Variants in SMARCA2 observed in about 807,000 individuals in gnomAD.
SMARCA2 encodes the protein SWI/SNF related BAF chromatin remodeling complex subunit ATPase 2.
SMARCA2 carries 61 observed loss-of-function variants against 199.8 expected under a neutral mutation model. That is an observed-to-expected ratio of 0.31 (90% CI 0.25 to 0.38). The LOEUF (loss-of-function observed/expected upper bound fraction) is 0.38, where lower values mean the gene tolerates loss of function less well. Ranked by LOEUF, SMARCA2 falls within the 10% of genes least tolerant of loss-of-function variation. The pLI, the probability that SMARCA2 is intolerant of heterozygous loss-of-function variation, is 1.00. For missense variants in SMARCA2, 1,344 were observed against 2,012.2 expected (o/e 0.67, Z 6.35); for synonymous variants, 935 against 732.0 (o/e 1.28, Z -4.48).
At chr9:2,173,839 C>T (rs2057543) in intron 29 of SMARCA2, among the ~76,000 whole-genome samples, 103,325 of 152,054 alleles carry the variant, frequency 0.68, 35,582 homozygotes, top group African/African-American at 0.79. Context: ...CTGTTACTAA[C>T]CCATTAAGCT....
At chr9:2,186,310 C>A in intron 32 of SMARCA2, 82 bp downstream of exon 32, 1 of 1,413,726 alleles carries the variant, frequency 7.1e-7, no homozygotes, top group Non-Finnish European at 9.5e-7. Context: ...ACAGAAGAGA[C>A]TTTAGAGTGG....
chr9:2,032,700 C>A, intron 2 of SMARCA2: 1 of 322,814 alleles, frequency 3.1e-6, no homozygotes. Flanking sequence ...TTTTCATTGC[C>A]TGTTCTGATA....
Position 2,060,977 on chromosome 9 carries a change from G to T in SMARCA2, c.1683G>T (p.Arg561Ser). The T allele has an allele frequency of 6.2e-7, 1 of 1,613,588 alleles. No homozygotes were observed. The highest frequency in any genetic ancestry group is 8.5e-7 in the Non-Finnish European group (1 of 1,179,718). The change falls in exon 9 of 34, where the codon AGG becomes AGT. Residue 561 changes from arginine (R) to serine (S), a missense_variant. Coordinates refer to ENST00000349721, the MANE Select transcript of SMARCA2 (RefSeq NM_003070.5). Reference sequence around the variant, plus strand: ...CCAAAGAGAAGAAGAAGAGGAGGAGGAGGAAGAAGGTGCGTATCCTAGTGG... The same window carrying T: ...CCAAAGAGAAGAAGAAGAGGAGGAGTAGGAAGAAGGTGCGTATCCTAGTGG... ...QAAKEKKKRR[R>S]RKKKAEENAE...
intron 17 of SMARCA2, among the ~76,000 whole-genome samples, chr9:2,085,346 T>G (rs1037745615): frequency 7.9e-5 from 12 of 152,196 alleles, no homozygotes; most frequent in African/African-American, 2.4e-4. Context: ...CGCCTGGTAA[T>G]GAGATGCACT....
chr9:2,060,217 A>T (rs944012815), intron 8 of SMARCA2, among the ~76,000 whole-genome samples: 1 of 151,948 alleles, frequency 6.6e-6, no homozygotes, highest in Non-Finnish European at 1.5e-5. Flanking sequence ...ACTTTTTAAA[A>T]TATAAGACAT....
chr9:2,181,793 G>A, intron 30 of SMARCA2, 117 bp downstream of exon 30: 1 of 650,154 alleles, frequency 1.5e-6, no homozygotes, highest in Non-Finnish European at 2.8e-6. Context: ...GCTCGCGACA[G>A]GAAAGGTTGG....
chr9:2,127,373 G>A (rs1823741394), intron 27 of SMARCA2, among the ~76,000 whole-genome samples: 1 of 152,262 alleles, frequency 6.6e-6, no homozygotes, highest in Middle Eastern at 3.4e-3. Flanking sequence ...GTTCACTGCT[G>A]CCACAGATGG....
intron 19 of SMARCA2, among the ~76,000 whole-genome samples, chr9:2,096,108 C>G (rs1416224573): frequency 1.3e-5 from 2 of 152,168 alleles, no homozygotes; most frequent in Non-Finnish European, 2.9e-5. Flanking sequence ...CCTGTTCTCA[C>G]TATGTTGTAT....
intron 23 of SMARCA2, among the ~76,000 whole-genome samples, chr9:2,108,773 C>A (rs1454659879): frequency 6.6e-6 from 1 of 152,140 alleles, no homozygotes; most frequent in Non-Finnish European, 1.5e-5. Flanking sequence ...AAAGCCAATT[C>A]TGAAAATAAA....
At chr9:2,046,123 A>G (rs2130285005) in intron 4 of SMARCA2, 1 of 152,328 alleles carries the variant, frequency 6.6e-6, no homozygotes, top group Non-Finnish European at 1.5e-5. Context: ...GGATTTAGAA[A>G]AAATTGGAAA....
At chr9:2,183,808 C>T (rs561395536) in intron 31 of SMARCA2, among the ~76,000 whole-genome samples, 1 of 152,264 alleles carries the variant, frequency 6.6e-6, no homozygotes, top group African/African-American at 2.4e-5. Flanking sequence ...GTAGAAGAAT[C>T]AACAAAGAAG....
At chr9:2,072,167 T>C (rs998170530) in intron 10 of SMARCA2, 1 of 152,200 alleles carries the variant, frequency 6.6e-6, no homozygotes, top group Non-Finnish European at 1.5e-5. Context: ...TTCTGCTTAA[T>C]TCCAATTGAA....
rs532975945 is a variant in SMARCA2, at chr9:2,056,042, C to T, written c.1174-630C>T. Among the ~76,000 whole-genome samples, 1 of 152,172 alleles carries T rather than the reference C, an allele frequency of 6.6e-6. No individual in the cohort carries two copies. The highest frequency in any genetic ancestry group is 1.5e-5 in the Non-Finnish European group (1 of 68,028). ...TGTATTCTCCAGTCCCTACCCCCTA[C>T]CACCACATAACATGCAATACAGATA... On this transcript the variant is annotated intron_variant, in intron 6 of 33. Transcript: ENST00000349721. The surrounding 1 kb of genome is among the most constrained non-coding windows in gnomAD (Gnocchi z 4.0).
chr9:2,150,366 C>G (rs1167343852), intron 27 of SMARCA2, among the ~76,000 whole-genome samples: 1 of 151,686 alleles, frequency 6.6e-6, no homozygotes, highest in Non-Finnish European at 1.5e-5. Context: ...CAGAGACCCT[C>G]ATGCCAGGCC....
intron 1 of SMARCA2, among the ~76,000 whole-genome samples, chr9:2,018,770 C>T (rs1818472921): frequency 6.6e-6 from 1 of 152,194 alleles, no homozygotes; most frequent in African/African-American, 2.4e-5. Context: ...AAAAGCCATA[C>T]CCAATGTTAT....
At chr9:2,131,770 T>C (rs931176537) in intron 27 of SMARCA2, among the ~76,000 whole-genome samples, 2 of 151,924 alleles carry the variant, frequency 1.3e-5, no homozygotes, top group African/African-American at 4.8e-5. Flanking sequence ...CGAAACCCCG[T>C]CTCTACTAAA....
chr9:2,112,989 T>C (rs534034290), intron 24 of SMARCA2, among the ~76,000 whole-genome samples: 2 of 152,350 alleles, frequency 1.3e-5, no homozygotes, highest in South Asian at 2.1e-4. Flanking sequence ...AGGTTTCAGT[T>C]TGAATACTGG....
At chr9:2,036,961 G>C (rs1819362949) in intron 3 of SMARCA2, among the ~76,000 whole-genome samples, 1 of 152,216 alleles carries the variant, frequency 6.6e-6, no homozygotes, top group African/African-American at 2.4e-5. Context: ...TGCCATGAGT[G>C]AGATTGTAAT....
intron 22 of SMARCA2, among the ~76,000 whole-genome samples, 188 bp from the exon 23 acceptor site, chr9:2,103,813 AAT>A (rs576740043): frequency 6.6e-6 from 1 of 152,128 alleles, no homozygotes; most frequent in Non-Finnish European, 1.5e-5. Context: ...GTTTTATATG[AAT>A]ATATTTTCCT....
Sources: allele counts gnomAD v4.1 joint callset (sites outside exome capture counted in the v4.1 genomes callset), GRCh38; gene constraint gnomAD v4.1.1; non-coding constraint Gnocchi (gnomAD v3.1); transcripts MANE v1.5; gene names NCBI Gene and HGNC (gene_info 2026-07-23, HGNC 2026-07-21).